The following OTUD7A variants were observed in gnomAD, a reference collection of about 807,000 sequenced individuals.
OTUD7A encodes the protein OTU deubiquitinase 7A, also known as OTU domain-containing protein 7A.
A neutral mutation model predicts 65.7 loss-of-function variants in OTUD7A; 12 were observed. The ratio of observed to expected loss-of-function variants is 0.18; its 90% CI spans 0.12 to 0.30. The LOEUF is 0.30. Among genes scored for constraint, OTUD7A ranks in the 10% least tolerant of loss-of-function variants. OTUD7A has a pLI of 1.00. For missense variants in OTUD7A, 1,148 were observed against 1,304.8 expected (o/e 0.88, Z 1.85); for synonymous variants, 641 against 586.3 (o/e 1.09, Z -1.35).
chr15:31,681,474 T>C (rs1451634793), intron 1 of OTUD7A, among the ~76,000 whole-genome samples: 1 of 149,846 alleles, frequency 6.7e-6, no homozygotes, highest in Non-Finnish European at 1.5e-5. Context: ...GGAGTCTCAA[T>C]GTTTTTCCTT....
At chr15:31,558,757 ACCACCTAGTTATCG>A in intron 5 of OTUD7A, 198 bp downstream of exon 5, 1 of 604,598 alleles carries the variant, frequency 1.7e-6, no homozygotes, top group Non-Finnish European at 2.9e-6. Context: ...AGATTTCAGC[ACCACCTAGTTATCG>A]GCCCCTCCAT....
intron 7 of OTUD7A, among the ~76,000 whole-genome samples, chr15:31,526,843 G>A (rs2042021994): frequency 6.6e-6 from 1 of 152,172 alleles, no homozygotes; most frequent in African/African-American, 2.4e-5. Flanking sequence ...TCACACACAG[G>A]GGCTGGGGCC....
intron 1 of OTUD7A, among the ~76,000 whole-genome samples, chr15:31,830,268 A>G (rs1026433170): frequency 1.3e-5 from 2 of 152,214 alleles, no homozygotes; most frequent in Non-Finnish European, 2.9e-5. Flanking sequence ...TACCAAATCA[A>G]TGAAGTGAGA....
At chr15:31,867,783 A>G (rs927730687) in intron 1 of OTUD7A, among the ~76,000 whole-genome samples, 15 of 152,320 alleles carry the variant, frequency 9.8e-5, no homozygotes, top group African/African-American at 3.6e-4. Context: ...ACATGGAGCC[A>G]CTGAAGCAAT....
intron 3 of OTUD7A, among the ~76,000 whole-genome samples, chr15:31,632,062 A>T (rs1024834543): frequency 4.6e-5 from 7 of 151,972 alleles, no homozygotes; most frequent in African/African-American, 1.7e-4. Context: ...GAGTAGTTTG[A>T]TCGTCTGAAG....
chr15:31,582,276 C>T (rs1889396062), intron 3 of OTUD7A, among the ~76,000 whole-genome samples: 1 of 152,206 alleles, frequency 6.6e-6, no homozygotes, highest in African/African-American at 2.4e-5. Flanking sequence ...AGCCATTCAG[C>T]AAGTCTCTAG....
chr15:31,863,629 C>G (rs185005083), intron 1 of OTUD7A, among the ~76,000 whole-genome samples: 277 of 152,332 alleles, frequency 1.8e-3, no homozygotes, highest in Middle Eastern at 0.01. Context: ...AGTCCCTAGG[C>G]TGCACACAGC....
Position 31,567,303 on chromosome 15 carries a change from T to C in OTUD7A, c.331+2715A>G, listed in dbSNP as rs182425527. 3.4e-3 allele frequency among the ~76,000 whole-genome samples: 525 copies of C among 152,332 alleles called. 3 individuals carry two copies. The highest frequency in any genetic ancestry group is 5.7e-3 in the Non-Finnish European group (387 of 68,018). ...GCTCAGCTGCATTCTGTTCATACCC[T>C]AGGGATCTGTGGAAGTCTGAACTTG... On this transcript the variant is annotated intron_variant, in intron 4 of 12. Transcript: ENST00000307050.
chr15:31,496,148 A>G (rs538768689), intron 10 of OTUD7A, among the ~76,000 whole-genome samples: 1 of 151,888 alleles, frequency 6.6e-6, no homozygotes, highest in Non-Finnish European at 1.5e-5. Flanking sequence ...GTCTTGTAAT[A>G]GGCATTACAT....
At chr15:31,590,511 A>G (rs1480205181) in intron 3 of OTUD7A, among the ~76,000 whole-genome samples, 1 of 152,156 alleles carries the variant, frequency 6.6e-6, no homozygotes, top group Non-Finnish European at 1.5e-5. Context: ...ACGTGATGGA[A>G]ATACCTTACA....
At chr15:31,612,795 T>C (rs912773427) in intron 3 of OTUD7A, among the ~76,000 whole-genome samples, 16 of 152,052 alleles carry the variant, frequency 1.1e-4, no homozygotes, top group Non-Finnish European at 1.8e-4. Context: ...AAAAAACAAT[T>C]CTAAAATTCA....
intron 4 of OTUD7A, among the ~76,000 whole-genome samples, chr15:31,563,342 G>A (rs1277002559): frequency 6.6e-6 from 1 of 152,232 alleles, no homozygotes; most frequent in Non-Finnish European, 1.5e-5. Flanking sequence ...ACCGAGCCAA[G>A]GACTGGAAGG....
chr15:31,796,885 C>G (rs1232912371), intron 1 of OTUD7A, among the ~76,000 whole-genome samples: 2 of 152,198 alleles, frequency 1.3e-5, no homozygotes. Flanking sequence ...CAGGCATGCA[C>G]CACCATACCC....
chr15:31,775,001 TAA>T lies in OTUD7A; in HGVS notation c.-100+95504_-100+95505del, dbSNP rs1474113107. Among the ~76,000 whole-genome samples the T allele has an allele frequency of 2.0e-5, 3 of 149,306 alleles. No homozygotes were observed. The East Asian group carries it at 5.9e-4, about 29-fold the overall frequency. Reference sequence around the variant, plus strand: ...TTAAAAAAAAAAAGTGATACTGCTGTAAAAAGAGACACAACATCACATCCAAA... The same window carrying T: ...TTAAAAAAAAAAAGTGATACTGCTGTAAAGAGACACAACATCACATCCAAA... On this transcript the variant is annotated intron_variant, in intron 1 of 12. Coordinates refer to ENST00000307050, the MANE Select transcript of OTUD7A (RefSeq NM_001382637.1).
intron 8 of OTUD7A, among the ~76,000 whole-genome samples, chr15:31,526,023 G>C (rs2042006786): frequency 6.6e-6 from 1 of 152,246 alleles, no homozygotes; most frequent in African/African-American, 2.4e-5. Context: ...GAGGCCTGCT[G>C]TGCCCTGAAG....
At chr15:31,764,374 T>C (rs545333358) in intron 1 of OTUD7A, among the ~76,000 whole-genome samples, 3 of 152,270 alleles carry the variant, frequency 2.0e-5, no homozygotes, top group Admixed American at 6.5e-5. Flanking sequence ...AGGAATAGTA[T>C]GAAATTACAT....
chr15:31,515,845 C>G (rs1003853512), intron 8 of OTUD7A, among the ~76,000 whole-genome samples: 1 of 151,148 alleles, frequency 6.6e-6, no homozygotes, highest in Non-Finnish European at 1.5e-5. Flanking sequence ...ATCTGTCCAT[C>G]CATTCATCCA....
intron 1 of OTUD7A, among the ~76,000 whole-genome samples, chr15:31,679,620 G>A (rs1390155036): frequency 6.6e-6 from 1 of 152,056 alleles, no homozygotes; most frequent in Non-Finnish European, 1.5e-5. Flanking sequence ...TCTCCTTCCT[G>A]CTGCCCTGTA....
rs1897426886 is a variant in OTUD7A at position 31,851,613 on chromosome 15, G to A, written c.-100+18894C>T. Reference sequence around the variant, plus strand: ...TTTATTTTGTCTTTTCTCCACATTTGCAATAATACCATGATGGAGTTGGAT... The same window carrying A: ...TTTATTTTGTCTTTTCTCCACATTTACAATAATACCATGATGGAGTTGGAT... On this transcript the variant is annotated intron_variant, in intron 1 of 12. Coordinates refer to ENST00000307050, the MANE Select transcript of OTUD7A (RefSeq NM_001382637.1). 2.0e-5 allele frequency among the ~76,000 whole-genome samples: 3 copies of A among 152,154 alleles called. No individual in the cohort carries two copies. In the South Asian group the frequency reaches 6.2e-4, roughly 31 times the overall value.
Sources: allele counts gnomAD v4.1 joint callset (sites outside exome capture counted in the v4.1 genomes callset), GRCh38; gene constraint gnomAD v4.1.1; transcripts MANE v1.5; gene names NCBI Gene and HGNC (gene_info 2026-07-23, HGNC 2026-07-21).